NDUFA9: variants seen among roughly 807,000 people sequenced by gnomAD.
The protein encoded by NDUFA9 is NADH:ubiquinone oxidoreductase subunit A9.
In NDUFA9, 23 loss-of-function variants were observed where a neutral mutation model predicts 45.9. The observed-to-expected ratio is 0.50, with a 90% CI of 0.36 to 0.71. NDUFA9 has a LOEUF of 0.71. NDUFA9 is among the 30% of genes least tolerant of loss of function. NDUFA9 has a pLI of 0.00. For missense variants in NDUFA9, 466 were observed against 488.2 expected, an observed-to-expected ratio of 0.95 and a Z score of 0.43; for synonymous variants, 176 against 170.5, an observed-to-expected ratio of 1.03 and a Z score of -0.25.
intron 3 of NDUFA9, 119 bp from the exon 4 acceptor site, chr12:4,657,629 C>T: frequency 1.4e-6 from 1 of 697,320 alleles, no homozygotes. Flanking sequence ...GATGAAATGG[C>T]ACTATATTAT....
intron 1 of NDUFA9, 43 bp from the exon 2 acceptor site, chr12:4,654,249 A>G (rs1945776002): frequency 6.5e-7 from 1 of 1,545,076 alleles, no homozygotes; most frequent in African/African-American, 1.4e-5. Context: ...TTTTAAAAAT[A>G]TTAATATTTG....
chr12:4,672,485 T>A (rs1945893361), intron 8 of NDUFA9, among the ~76,000 whole-genome samples: 2 of 152,176 alleles, frequency 1.3e-5, no homozygotes, highest in South Asian at 4.1e-4. Context: ...ATCTACTGGC[T>A]TGAAATTCTC....
In NDUFA9 at chr12:4,687,301, T is replaced by G. The variant is rs1431439326; in HGVS notation, c.*193T>G. ...AGTCACTTAGAACTTGAGCATGATT[T>G]TTGTTAAACATATTTAATAATGATA... On this transcript the variant is annotated 3_prime_UTR_variant, in exon 11 of 11. Transcript: ENST00000266544. The G allele has an allele frequency of 3.8e-6, 2 of 522,900 alleles. No homozygotes were observed. The highest frequency in any genetic ancestry group is 3.8e-5 in the African/African-American group (2 of 52,172). The allele number at this position is 522,900 out of a possible 1,614,324, so 32.4% of individuals were successfully genotyped here.
chr12:4,686,373 G>A (rs1371920499), intron 10 of NDUFA9, among the ~76,000 whole-genome samples: 1 of 151,056 alleles, frequency 6.6e-6, no homozygotes, highest in African/African-American at 2.4e-5. Flanking sequence ...TAGCTCTACA[G>A]TGAGCATTAG....
intron 5 of NDUFA9, 89 bp downstream of exon 5, chr12:4,659,266 A>C: frequency 8.3e-7 from 1 of 1,206,446 alleles, no homozygotes; most frequent in East Asian, 2.4e-5. Flanking sequence ...AGGGTTTATC[A>C]CAGACATATG....
intron 2 of NDUFA9, 40 bp downstream of exon 2, chr12:4,654,502 T>C (rs551597883): frequency 6.2e-7 from 1 of 1,600,066 alleles, no homozygotes; most frequent in South Asian, 1.1e-5. Flanking sequence ...CCATTGCCAT[T>C]GATCAGGATT....
chr12:4,682,060 A>G, intron 8 of NDUFA9, 145 bp from the exon 9 acceptor site: 1 of 483,530 alleles, frequency 2.1e-6, no homozygotes, highest in South Asian at 4.1e-5. Flanking sequence ...TCATAATGGG[A>G]TTATGGGTGA....
rs544100693 is a variant in NDUFA9 at position 4,684,541 on chromosome 12, G to A, written c.897-718G>A. Among the ~76,000 whole-genome samples the A allele has an allele frequency of 3.0e-3, 453 of 152,258 alleles. 3 individuals are homozygous for A. Among genetic ancestry groups the A allele is most frequent in the African/African-American group, 0.01 (433 of 41,544 alleles). ...TCCCAGCTACTTGGGAGGCTGAAGT[G>A]GGAGGATCACTTGAGCCTGGGAGTG... On this transcript the variant is annotated intron_variant, in intron 9 of 10. Transcript: ENST00000266544.
intron 6 of NDUFA9, among the ~76,000 whole-genome samples, chr12:4,667,848 A>G (rs1486206720): frequency 1.3e-5 from 2 of 151,746 alleles, no homozygotes; most frequent in African/African-American, 4.8e-5. Flanking sequence ...AAAAAGAAAA[A>G]CAAACAAACA....
chr12:4,653,582 A>G (rs1945771673), intron 1 of NDUFA9: 3 of 445,300 alleles, frequency 6.7e-6, no homozygotes, highest in Non-Finnish European at 1.3e-5. Flanking sequence ...ATGTTTGACA[A>G]GTCTCTTGCT....
intron 10 of NDUFA9, 29 bp from the exon 11 acceptor site, chr12:4,686,909 A>G (rs529582097): frequency 5.1e-5 from 82 of 1,605,632 alleles, no homozygotes; most frequent in Non-Finnish European, 6.0e-5. Flanking sequence ...AGTTTTCAGC[A>G]TTGTCTGTGG....
rs780895352 is a variant in NDUFA9 at position 4,649,157 on chromosome 12, C to T, written c.31C>T (p.Arg11Trp). 69 of 1,604,880 alleles carry T rather than the reference C, an allele frequency of 4.3e-5. No homozygotes were observed. Among genetic ancestry groups the T allele is most frequent in the African/African-American group, 9.4e-5 (7 of 74,838 alleles). The change falls in exon 1 of 11, where the codon CGG (arginine) becomes TGG (tryptophan). Residue 11 changes from arginine (R) to tryptophan (W), a missense_variant. By Grantham distance (101) the Arg-to-Trp change is moderately radical. Transcript: ENST00000266544. The part of the protein sequence containing the change: MAAAAQSRVV[R>W]VLSMSRSAIT... ...GGCTGCCGCACAATCCCGGGTTGTC[C>T]GGGTCCTGTCAATGTCACGTAAGTG...
chr12:4,655,029 C>T lies in NDUFA9; in HGVS notation c.318+107C>T, dbSNP rs4147673. On this transcript the variant is annotated intron_variant, in intron 3 of 10. Transcript: ENST00000266544. ...GCAGTAATTTCTTCCCAGAATGGAC[C>T]AAAGGCATCCTCTGTTCCCAGGTCA... 215,099 of 813,498 alleles carry T rather than the reference C, an allele frequency of 0.26. 29,148 individuals carry two copies. The highest frequency in any genetic ancestry group is 0.38 in the Middle Eastern group (1,459 of 3,884). 50.4% of individuals were successfully genotyped at this position (813,498 alleles called of 1,614,324 possible).
chr12:4,653,583 GTCTCTTGCT>G (rs776447639), intron 1 of NDUFA9: 2 of 446,500 alleles, frequency 4.5e-6, no homozygotes, highest in Middle Eastern at 3.3e-4. Context: ...TGTTTGACAA[GTCTCTTGCT>G]GTTAAACTTT....
Position 4,691,292 on chromosome 12 carries a change from A to G in NDUFA9, c.*4184A>G, listed in dbSNP as rs147192583. 1 of 152,362 alleles carries G rather than the reference A, an allele frequency of 6.6e-6. No homozygotes were observed. Among genetic ancestry groups the G allele is most frequent in the African/African-American group, 2.4e-5 (1 of 41,588 alleles). 9.4% of individuals were successfully genotyped at this position (152,362 alleles called of 1,614,324 possible). On this transcript the variant is annotated 3_prime_UTR_variant, in exon 11 of 11. Transcript: ENST00000266544. ...AGCCATTATCATTTAAGTAGGGAAT[A>G]TCATGCCCATCTGAGTCCATACATT...
chr12:4,663,439 G>C (rs1945835356), intron 6 of NDUFA9, among the ~76,000 whole-genome samples: 1 of 152,198 alleles, frequency 6.6e-6, no homozygotes, highest in Admixed American at 6.5e-5. Flanking sequence ...GGAGGAAATT[G>C]AGGTTAAATG....
intron 8 of NDUFA9, among the ~76,000 whole-genome samples, chr12:4,676,466 A>G (rs1474158660): frequency 6.6e-6 from 1 of 152,242 alleles, no homozygotes; most frequent in Non-Finnish European, 1.5e-5. Flanking sequence ...ATCAATGTGC[A>G]AAAATCACAA....
Position 4,662,691 on chromosome 12 carries a change from C to G in NDUFA9, c.655+56C>G. ...GGGATACTGATTAACCAAGTTGAAG[C>G]TGCTCAAGCTAACAGTTTTCTCTGA... is the stretch of plus-strand genomic sequence containing the variant. On this transcript the variant is annotated intron_variant, in intron 6 of 10. Coordinates refer to ENST00000266544, the MANE Select transcript of NDUFA9 (RefSeq NM_005002.5). 4.4e-6 allele frequency: 6 copies of G among 1,377,674 alleles called. No homozygotes were observed. The South Asian group carries it at 7.1e-5, about 16-fold the overall frequency. 85.3% of individuals were successfully genotyped at this position (1,377,674 alleles called of 1,614,324 possible).
intron 8 of NDUFA9, among the ~76,000 whole-genome samples, chr12:4,680,011 T>C (rs1158833246): frequency 5.3e-5 from 8 of 152,182 alleles, no homozygotes; most frequent in Non-Finnish European, 1.2e-4. Flanking sequence ...AGGAAAAGAA[T>C]TCAAGGATAT....
Sources: allele counts gnomAD v4.1 joint callset (sites outside exome capture counted in the v4.1 genomes callset), GRCh38; gene constraint gnomAD v4.1.1; transcripts MANE v1.5; gene names NCBI Gene and HGNC (gene_info 2026-07-23, HGNC 2026-07-21).